Variants in CNTNAP5 observed in about 807,000 individuals in gnomAD.
CNTNAP5 encodes the protein contactin associated protein family member 5, also known as contactin-associated protein-like 5.
A neutral mutation model predicts 150.2 loss-of-function variants in CNTNAP5; 72 were observed. That is an observed-to-expected ratio of 0.48 (90% CI 0.40 to 0.58). CNTNAP5 has a LOEUF of 0.58. Ranked by LOEUF, CNTNAP5 falls within the 20% of genes least tolerant of loss-of-function variation. CNTNAP5 has a pLI of 0.00. For synonymous variants in CNTNAP5, 672 were observed against 619.8 expected (o/e 1.08, Z -1.25); for missense variants, 1,636 against 1,626.2 (o/e 1.01, Z -0.10).
chr2:124,714,877 C>G (rs1177228403), intron 13 of CNTNAP5, among the ~76,000 whole-genome samples: 3 of 152,092 alleles, frequency 2.0e-5, no homozygotes, highest in African/African-American at 7.2e-5. Flanking sequence ...TCTATCAAGA[C>G]AGATTTGCAA....
chr2:124,854,705 A>G (rs982635747), intron 19 of CNTNAP5, among the ~76,000 whole-genome samples: 1 of 152,246 alleles, frequency 6.6e-6, no homozygotes, highest in Admixed American at 6.5e-5. Flanking sequence ...AGCATGTCCC[A>G]TGTTATTCTC....
chr2:124,226,933 A>G (rs1686473862), intron 2 of CNTNAP5, among the ~76,000 whole-genome samples: 1 of 152,056 alleles, frequency 6.6e-6, no homozygotes, highest in Non-Finnish European at 1.5e-5. Flanking sequence ...CCATCAATCC[A>G]TTAAACCATT....
At chr2:124,308,292 C>A (rs949343210) in intron 3 of CNTNAP5, among the ~76,000 whole-genome samples, 2 of 151,220 alleles carry the variant, frequency 1.3e-5, no homozygotes, top group Non-Finnish European at 3.0e-5. Flanking sequence ...TTAATTCACA[C>A]CCCAACTCTG....
At chr2:124,590,287 T>C (rs1330978159) in intron 11 of CNTNAP5, among the ~76,000 whole-genome samples, 1 of 152,198 alleles carries the variant, frequency 6.6e-6, no homozygotes, top group East Asian at 1.9e-4. Flanking sequence ...CCTATCTCCA[T>C]TTGTAACCTG....
intron 1 of CNTNAP5, among the ~76,000 whole-genome samples, chr2:124,173,401 C>A (rs979346542): frequency 6.6e-6 from 1 of 152,152 alleles, no homozygotes; most frequent in African/African-American, 2.4e-5. Flanking sequence ...CCTCTTGTAC[C>A]AGTTAGCTAA....
chr2:124,858,394 A>G (rs1397711578), intron 19 of CNTNAP5, among the ~76,000 whole-genome samples: 2 of 152,216 alleles, frequency 1.3e-5, no homozygotes, highest in East Asian at 3.9e-4. Context: ...AATCACAAAC[A>G]TTCTTATACA....
intron 13 of CNTNAP5, among the ~76,000 whole-genome samples, chr2:124,672,326 G>A (rs1678841835): frequency 6.6e-6 from 1 of 152,088 alleles, no homozygotes. Context: ...CTGAGGCATT[G>A]GGTATTAGAA....
At position 124,094,155 on chromosome 2, in the gene CNTNAP5, G is replaced by A. The variant is rs1166795847; in HGVS notation, c.82+68423G>A. Among the ~76,000 whole-genome samples, 6 of 152,204 alleles carry A rather than the reference G, an allele frequency of 3.9e-5. 1 individual carries two copies. Among genetic ancestry groups the A allele is most frequent in the Non-Finnish European group, 8.8e-5 (6 of 68,028 alleles). ...TGAATAAAGGGGATGGTCTAAACGT[G>A]CAAACTCAAATTGTTTTTTCTTTTC... On this transcript the variant is annotated intron_variant, in intron 1 of 23. Coordinates refer to ENST00000682447, the MANE Select transcript of CNTNAP5 (RefSeq NM_001367498.1).
At chr2:124,092,411 G>T (rs1682836116) in intron 1 of CNTNAP5, among the ~76,000 whole-genome samples, 3 of 152,188 alleles carry the variant, frequency 2.0e-5, no homozygotes, top group South Asian at 4.1e-4. Context: ...ACCTTTAAAA[G>T]AGTAAACAAA....
chr2:124,910,535 C>T (rs1361823485), intron 22 of CNTNAP5, among the ~76,000 whole-genome samples: 2 of 151,960 alleles, frequency 1.3e-5, no homozygotes, highest in East Asian at 2.0e-4. Flanking sequence ...TTGCTGCCTG[C>T]ACATCACCAA....
At chr2:124,599,003 C>G (rs1207542840) in intron 11 of CNTNAP5, among the ~76,000 whole-genome samples, 2 of 152,018 alleles carry the variant, frequency 1.3e-5, no homozygotes, top group South Asian at 2.1e-4. Context: ...TGCTTCGGCT[C>G]ACGCACGGTG....
In CNTNAP5 at chr2:124,251,298, C is replaced by CG. The variant is rs74477257; in HGVS notation, c.381+8905_381+8906insG. Among the ~76,000 whole-genome samples, 4 of 151,786 alleles carry CG rather than the reference C, an allele frequency of 2.6e-5. No individual in the cohort carries two copies. In the South Asian group the frequency reaches 6.3e-4, roughly 24 times the overall value. On this transcript the variant is annotated intron_variant, in intron 3 of 23. Coordinates refer to ENST00000682447, the MANE Select transcript of CNTNAP5 (RefSeq NM_001367498.1). ...AAAGAAACAGTTTTCCCCCACCCCC[C>CG]CAAGTATTGGAAGTACAGAGAAGGA...
chr2:124,205,486 T>A (rs1685840118), intron 1 of CNTNAP5, among the ~76,000 whole-genome samples: 2 of 151,604 alleles, frequency 1.3e-5, no homozygotes, highest in Admixed American at 1.3e-4. Flanking sequence ...TGGTGCCGTC[T>A]CAGCTCACTG....
chr2:124,861,343 C>T lies in CNTNAP5; in HGVS notation c.3218-3963C>T, dbSNP rs972672417. On this transcript the variant is annotated intron_variant, in intron 19 of 23. Transcript: ENST00000682447. ...GTCTTAGCACTTTGGGAGGCTGAGA[C>T]GGGTGGATCACCTGAGGTCAGGAGA... Among the ~76,000 whole-genome samples, 175 of 151,968 alleles carry T rather than the reference C, an allele frequency of 1.2e-3. 1 individual carries two copies. Among genetic ancestry groups the T allele is most frequent in the African/African-American group, 3.9e-3 (160 of 41,426 alleles).
intron 1 of CNTNAP5, among the ~76,000 whole-genome samples, chr2:124,062,151 C>T (rs139349431): frequency 3.9e-4 from 60 of 152,262 alleles, no homozygotes; most frequent in East Asian, 3.1e-3. Context: ...TTGTTTAGCA[C>T]CTCTAATTTT....
intron 3 of CNTNAP5, among the ~76,000 whole-genome samples, chr2:124,292,916 A>G (rs1274027706): frequency 6.6e-6 from 1 of 152,094 alleles, no homozygotes; most frequent in Non-Finnish European, 1.5e-5. Context: ...AACTGTAAGC[A>G]GTTTTCTATA....
At chr2:124,118,510 T>C (rs1683482119) in intron 1 of CNTNAP5, among the ~76,000 whole-genome samples, 1 of 152,230 alleles carries the variant, frequency 6.6e-6, no homozygotes, top group Non-Finnish European at 1.5e-5. Context: ...GCTAGTTCAC[T>C]GTGTACACCA....
intron 1 of CNTNAP5, among the ~76,000 whole-genome samples, chr2:124,073,317 A>T (rs2104666722): frequency 6.6e-6 from 1 of 152,244 alleles, no homozygotes; most frequent in South Asian, 2.1e-4. Flanking sequence ...TTTCTATAGT[A>T]ATACTTCACA....
intron 21 of CNTNAP5, among the ~76,000 whole-genome samples, chr2:124,887,932 G>C (rs1245520103): frequency 6.6e-6 from 1 of 151,976 alleles, no homozygotes; most frequent in Non-Finnish European, 1.5e-5. Context: ...TTTTTTTAAA[G>C]AAGATTGGTT....
Sources: allele counts gnomAD v4.1 joint callset (sites outside exome capture counted in the v4.1 genomes callset), GRCh38; gene constraint gnomAD v4.1.1; transcripts MANE v1.5; gene names NCBI Gene and HGNC (gene_info 2026-07-23, HGNC 2026-07-21).